Variants in CCDC91 observed in about 807,000 individuals in gnomAD.
CCDC91 encodes the protein coiled-coil domain containing 91.
In CCDC91, 48 loss-of-function variants were observed where a neutral mutation model predicts 63.2. The ratio of observed to expected loss-of-function variants is 0.76; its 90% CI spans 0.60 to 0.97. CCDC91 has a LOEUF of 0.97. CCDC91 is among the 50% of genes least tolerant of loss of function. CCDC91 has a pLI of 0.00. For missense variants in CCDC91, 500 were observed against 494.6 expected (o/e 1.01, Z -0.10); for synonymous variants, 167 against 165.8 (o/e 1.01, Z -0.06).
At chr12:28,531,717 C>G (rs1941746038) in intron 12 of CCDC91, among the ~76,000 whole-genome samples, 1 of 152,138 alleles carries the variant, frequency 6.6e-6, no homozygotes, top group Admixed American at 6.6e-5. Context: ...AAGTAATTGT[C>G]TCTTCTATAT....
chr12:28,529,807 A>G (rs569934173), intron 12 of CCDC91, among the ~76,000 whole-genome samples: 1 of 152,176 alleles, frequency 6.6e-6, no homozygotes, highest in Non-Finnish European at 1.5e-5. Flanking sequence ...TTATTTGCTT[A>G]ATCTTCCATA....
At chr12:28,303,974 C>G (rs1408263676) in intron 3 of CCDC91, among the ~76,000 whole-genome samples, 1 of 151,990 alleles carries the variant, frequency 6.6e-6, no homozygotes, top group African/African-American at 2.4e-5. Flanking sequence ...AGAACTCTCA[C>G]TATTCTACTT....
At chr12:28,342,374 G>A (rs1942491011) in intron 6 of CCDC91, among the ~76,000 whole-genome samples, 1 of 152,118 alleles carries the variant, frequency 6.6e-6, no homozygotes, top group Admixed American at 6.6e-5. Context: ...TGTTATGACA[G>A]CAATGGAAAA....
intron 7 of CCDC91, among the ~76,000 whole-genome samples, chr12:28,375,525 C>A (rs1050808432): frequency 6.6e-6 from 1 of 151,832 alleles, no homozygotes; most frequent in Non-Finnish European, 1.5e-5. Context: ...ATGAAAAGGA[C>A]GTGAAATTTT....
chr12:28,470,963 G>A (rs1045719050), intron 11 of CCDC91, among the ~76,000 whole-genome samples: 3 of 151,988 alleles, frequency 2.0e-5, no homozygotes, highest in Non-Finnish European at 4.4e-5. Flanking sequence ...CGAAAGAAAT[G>A]AAAAATAGAA....
At chr12:28,242,367 A>C (rs1945404572) in intron 1 of CCDC91, among the ~76,000 whole-genome samples, 1 of 152,172 alleles carries the variant, frequency 6.6e-6, no homozygotes, top group East Asian at 1.9e-4. Context: ...CAAGTTAGCT[A>C]TTCTGTAGGA....
At chr12:28,341,205 C>T (rs1942394377) in intron 6 of CCDC91, among the ~76,000 whole-genome samples, 1 of 152,152 alleles carries the variant, frequency 6.6e-6, no homozygotes, top group Non-Finnish European at 1.5e-5. Flanking sequence ...GTGTCTCTGC[C>T]TGCTAGGGTC....
chr12:28,196,874 A>G (rs1490825366), intron 1 of CCDC91, among the ~76,000 whole-genome samples: 1 of 152,090 alleles, frequency 6.6e-6, no homozygotes. Context: ...TGCCCTTTTC[A>G]CTCAGAATCA....
intron 7 of CCDC91, among the ~76,000 whole-genome samples, chr12:28,386,292 C>T (rs1945594284): frequency 6.6e-6 from 1 of 152,056 alleles, no homozygotes; most frequent in Admixed American, 6.6e-5. Flanking sequence ...ATGTACAAGG[C>T]AGTCTAAAAA....
intron 7 of CCDC91, among the ~76,000 whole-genome samples, chr12:28,365,343 C>T (rs1230976503): frequency 1.3e-5 from 2 of 151,862 alleles, no homozygotes; most frequent in Admixed American, 6.6e-5. Context: ...ACGTTTGCAG[C>T]GAAGAAAATA....
intron 12 of CCDC91, among the ~76,000 whole-genome samples, chr12:28,532,027 T>A (rs1043576710): frequency 3.3e-5 from 5 of 152,060 alleles, no homozygotes; most frequent in African/African-American, 4.8e-5. Flanking sequence ...AATTGGCACT[T>A]AAAAAGAGAC....
chr12:28,426,808 T>C (rs1475717574), intron 8 of CCDC91, among the ~76,000 whole-genome samples: 1 of 152,208 alleles, frequency 6.6e-6, no homozygotes, highest in Admixed American at 6.5e-5. Flanking sequence ...CGAAACTAGT[T>C]CTGATGCTTT....
chr12:28,449,784 C>G (rs1949709943), intron 8 of CCDC91, among the ~76,000 whole-genome samples: 2 of 151,926 alleles, frequency 1.3e-5, no homozygotes, highest in Admixed American at 1.3e-4. Context: ...TTTTATATTT[C>G]TCAGTTATCA....
At chr12:28,432,062 T>C (rs1948657348) in intron 8 of CCDC91, among the ~76,000 whole-genome samples, 1 of 152,048 alleles carries the variant, frequency 6.6e-6, no homozygotes, top group Admixed American at 6.6e-5. Flanking sequence ...ATAGATGATT[T>C]CTTTTTTTCT....
intron 8 of CCDC91, among the ~76,000 whole-genome samples, chr12:28,404,983 C>A (rs568731401): frequency 6.6e-6 from 1 of 152,002 alleles, no homozygotes; most frequent in Non-Finnish European, 1.5e-5. Context: ...TTGACATTTA[C>A]AATAGACCAT....
At chr12:28,538,292 T>G (rs1942349818) in intron 12 of CCDC91, among the ~76,000 whole-genome samples, 1 of 129,638 alleles carries the variant, frequency 7.7e-6, no homozygotes, top group Non-Finnish European at 1.6e-5. Context: ...GTGTGTGATG[T>G]TCCCCTTCCT....
chr12:28,404,298 T>A (rs1482203433), intron 8 of CCDC91, among the ~76,000 whole-genome samples: 1 of 152,056 alleles, frequency 6.6e-6, no homozygotes, highest in Non-Finnish European at 1.5e-5. Flanking sequence ...ATTGTTGGAT[T>A]TTCTAGCTAT....
At chr12:28,412,769 A>G (rs1474402558) in intron 8 of CCDC91, 15 of 453,084 alleles carry the variant, frequency 3.3e-5, no homozygotes, top group Admixed American at 9.4e-5. Flanking sequence ...CCTTTTTTCA[A>G]TCCTTCCTGC....
At chr12:28,207,088 A>G (rs2135465289) in intron 1 of CCDC91, among the ~76,000 whole-genome samples, 1 of 152,358 alleles carries the variant, frequency 6.6e-6, no homozygotes, top group East Asian at 1.9e-4. Context: ...AAATGAAAGT[A>G]TATCCTGTAA....
Sources: gnomAD v4.1 joint callset for allele counts (sites outside exome capture counted in the v4.1 genomes callset) on GRCh38, gnomAD v4.1.1 for gene constraint, MANE v1.5 for transcripts, NCBI Gene and HGNC (gene_info 2026-07-23, HGNC 2026-07-21) for gene names.